The following CSRNP3 variants were observed in gnomAD, a reference collection of about 807,000 sequenced individuals.
CSRNP3 encodes the protein cysteine/serine-rich nuclear protein 3.
CSRNP3 carries 12 observed loss-of-function variants against 48.0 expected under a neutral mutation model. The ratio of observed to expected loss-of-function variants is 0.25; its 90% CI spans 0.16 to 0.41. The LOEUF (loss-of-function observed/expected upper bound fraction) is 0.41, where lower values mean the gene tolerates loss of function less well. CSRNP3 is among the 10% of genes least tolerant of loss of function. CSRNP3 has a pLI of 1.00. For missense variants in CSRNP3, 580 were observed against 724.4 expected, an observed-to-expected ratio of 0.80 and a Z score of 2.29; for synonymous variants, 263 against 269.7, an observed-to-expected ratio of 0.98 and a Z score of 0.24.
chr2:165,520,775 TATATATATTATATATATATATA>T (rs1684643214), intron 3 of CSRNP3, among the ~76,000 whole-genome samples: 2 of 13,340 alleles, frequency 1.5e-4, no homozygotes, highest in African/African-American at 1.1e-3. Context: ...ATATATTATA[TATATATATTATATATATATATA>T]TATATATATA....
chr2:165,660,400 A>C (rs1283046724), intron 5 of CSRNP3, among the ~76,000 whole-genome samples: 2 of 143,510 alleles, frequency 1.4e-5, no homozygotes, highest in African/African-American at 5.1e-5. Flanking sequence ...ATTACTTCCT[A>C]TTCTTAAATT....
intron 3 of CSRNP3, among the ~76,000 whole-genome samples, chr2:165,589,990 G>T (rs970272455): frequency 3.3e-5 from 5 of 152,076 alleles, no homozygotes; most frequent in African/African-American, 7.2e-5. Context: ...TTTGTGTCTT[G>T]GAGTCTCTCC....
chr2:165,522,895 A>G (rs1690486030), intron 3 of CSRNP3, among the ~76,000 whole-genome samples: 2 of 152,136 alleles, frequency 1.3e-5, no homozygotes, highest in South Asian at 4.2e-4. Context: ...AGGAGCAATT[A>G]TACCACTCTG....
rs1026803906 is a variant in CSRNP3, at chr2:165,684,762, C to G, written c.*5009C>G. ...ATTGAATATCAGCAATTTTAATACC[C>G]ACTAGAATTATGGAAGTATCAGAGT... On this transcript the variant is annotated 3_prime_UTR_variant, in exon 7 of 7. Transcript: ENST00000651982. 8 of 151,878 alleles carry G rather than the reference C, an allele frequency of 5.3e-5. No homozygotes were observed. Among genetic ancestry groups the G allele is most frequent in the Non-Finnish European group, 1.2e-4 (8 of 67,954 alleles). 9.4% of individuals were successfully genotyped at this position (151,878 alleles called of 1,614,324 possible). A position where few individuals can be genotyped will look rare whatever the true frequency, so the allele number is the denominator to read the frequency against.
intron 3 of CSRNP3, among the ~76,000 whole-genome samples, chr2:165,591,028 G>C (rs1371386266): frequency 4.0e-5 from 6 of 150,300 alleles, no homozygotes. Flanking sequence ...AGAAAGTTTA[G>C]AACTTCCTAG....
Position 165,599,283 on chromosome 2 carries a change from G to GAGAGAGAA in CSRNP3, c.148+4073_148+4074insGAGAAAGA, listed in dbSNP as rs1553478328. On this transcript the variant is annotated intron_variant, in intron 4 of 6. Transcript: ENST00000651982. ...AAAGAAAAAGAAAGAAAGAGAGAGA[G>GAGAGAGAA]AGAAAGAAAGAAAGAAAGAAAGAAA... is the stretch of plus-strand genomic sequence containing the variant. Among the ~76,000 whole-genome samples the GAGAGAGAA allele has an allele frequency of 1.3e-3, 140 of 104,826 alleles. 1 individual carries two copies. The highest frequency in any genetic ancestry group is 2.2e-3 in the Non-Finnish European group (114 of 50,788). 68.8% of individuals were successfully genotyped at this position (104,826 alleles called of 152,430 possible). A position where few individuals can be genotyped will look rare whatever the true frequency, so the allele number is the denominator to read the frequency against.
chr2:165,507,570 CAT>C (rs1689774898), intron 2 of CSRNP3, among the ~76,000 whole-genome samples: 1 of 152,170 alleles, frequency 6.6e-6, no homozygotes, highest in South Asian at 2.1e-4. Context: ...AAAATTCCCT[CAT>C]GTGATATCCA....
chr2:165,545,963 C>T (rs1194803497), intron 3 of CSRNP3, among the ~76,000 whole-genome samples: 2 of 151,992 alleles, frequency 1.3e-5, no homozygotes, highest in Non-Finnish European at 2.9e-5. Context: ...AAAATTGATA[C>T]TAGATTGCCT....
intron 3 of CSRNP3, among the ~76,000 whole-genome samples, chr2:165,522,545 A>G (rs766662672): frequency 6.6e-6 from 1 of 152,042 alleles, no homozygotes; most frequent in African/African-American, 2.4e-5. Flanking sequence ...AAAAGAGTTT[A>G]TTACATATGT....
chr2:165,555,250 C>A (rs905251536), intron 3 of CSRNP3, among the ~76,000 whole-genome samples: 5 of 152,176 alleles, frequency 3.3e-5, no homozygotes, highest in South Asian at 2.1e-4. Context: ...TGCTTTGTCC[C>A]CTTTTTCTCC....
intron 5 of CSRNP3, among the ~76,000 whole-genome samples, chr2:165,664,338 A>G (rs956051974): frequency 1.3e-5 from 2 of 152,212 alleles, no homozygotes; most frequent in African/African-American, 4.8e-5. Context: ...TTATTGAACA[A>G]TTCTGGTGAT....
At chr2:165,496,463 T>C (rs919907548) in intron 2 of CSRNP3, among the ~76,000 whole-genome samples, 1 of 152,046 alleles carries the variant, frequency 6.6e-6, no homozygotes, top group Non-Finnish European at 1.5e-5. Context: ...GCTTGCAGTT[T>C]TTTATTGAGT....
chr2:165,577,526 T>C lies in CSRNP3; in HGVS notation c.-23-17517T>C, dbSNP rs1378647164. Reference sequence around the variant, plus strand: ...TCATGAAACAAAAATATAGTACACATCATACTGCCTTATAGAGCAAGGTGA... The same window carrying C: ...TCATGAAACAAAAATATAGTACACACCATACTGCCTTATAGAGCAAGGTGA... On this transcript the variant is annotated intron_variant, in intron 3 of 6. Transcript: ENST00000651982. 1.3e-4 allele frequency among the ~76,000 whole-genome samples: 20 copies of C among 151,918 alleles called. No individual in the cohort carries two copies. In the East Asian group the frequency reaches 3.7e-3, roughly 28 times the overall value.
rs904477124 is a variant in CSRNP3, at chr2:165,594,946, A to G, written c.-23-97A>G. The G allele has an allele frequency of 3.4e-5, 34 of 991,726 alleles. No homozygotes were observed. In the African/African-American group the frequency reaches 5.5e-4, roughly 16 times the overall value. 61.4% of individuals were successfully genotyped at this position (991,726 alleles called of 1,614,324 possible). ...TCAAGGGAAAGCTATAGCTCAGCTC[A>G]TGTATAAAAAGCCACATAAAAATGA... On this transcript the variant is annotated intron_variant, in intron 3 of 6. Coordinates refer to ENST00000651982, the MANE Select transcript of CSRNP3 (RefSeq NM_001172173.2).
chr2:165,486,007 T>C (rs1684108166), intron 1 of CSRNP3, among the ~76,000 whole-genome samples: 2 of 151,896 alleles, frequency 1.3e-5, no homozygotes, highest in African/African-American at 4.8e-5. Flanking sequence ...AGAAGACGGG[T>C]GATTTCTGCA....
At chr2:165,558,870 A>G (rs1230915657) in intron 3 of CSRNP3, among the ~76,000 whole-genome samples, 1 of 152,226 alleles carries the variant, frequency 6.6e-6, no homozygotes, top group Non-Finnish European at 1.5e-5. Flanking sequence ...GTGATGACCT[A>G]TAATGACATT....
chr2:165,510,950 GA>G, intron 2 of CSRNP3, among the ~76,000 whole-genome samples: 1 of 152,280 alleles, frequency 6.6e-6, no homozygotes, highest in Non-Finnish European at 1.5e-5. Context: ...AAAGGATGTA[GA>G]GTTCAGGAAG....
intron 3 of CSRNP3, among the ~76,000 whole-genome samples, chr2:165,560,372 G>A (rs996283158): frequency 1.3e-5 from 2 of 152,154 alleles, no homozygotes; most frequent in African/African-American, 4.8e-5. Flanking sequence ...AGCCTGTGTA[G>A]GAAGAGAATT....
intron 3 of CSRNP3, among the ~76,000 whole-genome samples, chr2:165,586,421 A>C (rs1468286990): frequency 6.6e-6 from 1 of 152,234 alleles, no homozygotes; most frequent in African/African-American, 2.4e-5. Flanking sequence ...TCAGATTAAC[A>C]AAAAACAACA....
Sources: gnomAD v4.1 joint callset for allele counts (sites outside exome capture counted in the v4.1 genomes callset) on GRCh38, gnomAD v4.1.1 for gene constraint, MANE v1.5 for transcripts, NCBI Gene and HGNC (gene_info 2026-07-23, HGNC 2026-07-21) for gene names.